The following CCDC88C variants were observed in gnomAD, a reference collection of about 807,000 sequenced individuals.
CCDC88C encodes coiled-coil and HOOK domain protein 88C.
Under a neutral mutation model 198.8 loss-of-function variants are expected in CCDC88C, and 131 were observed. The ratio of observed to expected loss-of-function variants is 0.66; its 90% CI spans 0.57 to 0.76. The LOEUF is 0.76. Ranked by LOEUF, CCDC88C falls within the 30% of genes least tolerant of loss-of-function variation. The pLI is 0.00. For synonymous variants in CCDC88C, 1,166 were observed against 1,114.7 expected (o/e 1.05, Z -0.92); for missense variants, 2,553 against 2,631.6 (o/e 0.97, Z 0.65).
intron 3 of CCDC88C, among the ~76,000 whole-genome samples, chr14:91,367,142 A>G (rs1003666134): frequency 2.0e-5 from 3 of 152,258 alleles, no homozygotes; most frequent in African/African-American, 7.2e-5. Context: ...CCAGGAAGGA[A>G]GAATAAACGC....
intron 3 of CCDC88C, among the ~76,000 whole-genome samples, chr14:91,404,779 C>T (rs1229084570): frequency 1.3e-5 from 2 of 151,818 alleles, no homozygotes; most frequent in Non-Finnish European, 2.9e-5. Flanking sequence ...CTGGCTAACA[C>T]GGTGAAAACC....
chr14:91,416,533 C>T (rs1887063382), intron 2 of CCDC88C, among the ~76,000 whole-genome samples: 1 of 152,078 alleles, frequency 6.6e-6, no homozygotes, highest in African/African-American at 2.4e-5. Flanking sequence ...TTCATCAAAC[C>T]AACTGCCAGA....
At position 91,273,076 on chromosome 14, in the gene CCDC88C, C is replaced by T. The variant is rs754523261; in HGVS notation, c.5636G>A (p.Arg1879Gln). ...GGAGAAGCGCCTCGTGTCCAGCGGC[C>T]GGCTGCGGGGACCTGGGCCCTGACA... ...SSCQGPGPRS[R>Q]PLDTRRFSLA... Residue 1879 changes from arginine to glutamine, a missense_variant, in exon 30 of 30, where the codon CGG (arginine) becomes CAG (glutamine). By Grantham distance (43) the Arg-to-Gln change is conservative. Transcript: ENST00000389857. The surrounding 1 kb of genome is among the most constrained non-coding windows in gnomAD (Gnocchi z 5.6). 17 of 1,559,726 alleles carry T rather than the reference C, an allele frequency of 1.1e-5. No homozygotes were observed. Among genetic ancestry groups the T allele is most frequent in the Middle Eastern group, 1.7e-4 (1 of 5,950 alleles).
chr14:91,411,071 A>C (rs950805762), intron 2 of CCDC88C, among the ~76,000 whole-genome samples: 7 of 152,144 alleles, frequency 4.6e-5, no homozygotes, highest in African/African-American at 1.2e-4. Context: ...CCTGACATTT[A>C]CTGTATGAGT....
chr14:91,380,017 G>A (rs1884691458), intron 3 of CCDC88C: 5 of 645,502 alleles, frequency 7.7e-6, no homozygotes, highest in East Asian at 5.5e-5. Context: ...CCAACTCCAC[G>A]CTGAAGGTCC....
At chr14:91,374,282 C>T (rs1894974053) in intron 3 of CCDC88C, among the ~76,000 whole-genome samples, 1 of 152,210 alleles carries the variant, frequency 6.6e-6, no homozygotes, top group African/African-American at 2.4e-5. Context: ...TCTATTACCT[C>T]TCATCCTAAC....
At position 91,329,881 on chromosome 14, in the gene CCDC88C, C is replaced by A. The variant is rs1018604736; in HGVS notation, c.1051-3825G>T. On this transcript the variant is annotated intron_variant, in intron 10 of 29. Coordinates refer to ENST00000389857, the MANE Select transcript of CCDC88C (RefSeq NM_001080414.4). ...GACTGTGCACCTCATTTGGGCCAGA[C>A]CCTGAGAATGTGAAGGCCCAGTCAG... is the stretch of plus-strand genomic sequence containing the variant. Among the ~76,000 whole-genome samples, 12 of 152,232 alleles carry A rather than the reference C, an allele frequency of 7.9e-5. 1 individual carries two copies.
At position 91,371,761 on chromosome 14, in the gene CCDC88C, C is replaced by T. The variant is rs888860362; in HGVS notation, c.271-12050G>A. On this transcript the variant is annotated intron_variant, in intron 3 of 29. Coordinates refer to ENST00000389857, the MANE Select transcript of CCDC88C (RefSeq NM_001080414.4). The surrounding 1 kb of genome is among the most constrained non-coding windows in gnomAD (Gnocchi z 4.2). ...CATGTCCCACTCCACCGCTCACCCACCCAGGCCCACAGGCACCTATGCCAG... is the reference window on the plus strand; with the variant it reads ...CATGTCCCACTCCACCGCTCACCCATCCAGGCCCACAGGCACCTATGCCAG... 1.4e-4 allele frequency among the ~76,000 whole-genome samples: 22 copies of T among 152,226 alleles called. No homozygotes were observed. The highest frequency in any genetic ancestry group is 1.3e-3 in the Admixed American group (20 of 15,292).
chr14:91,315,386 A>G (rs889641099), intron 14 of CCDC88C, among the ~76,000 whole-genome samples: 1 of 152,134 alleles, frequency 6.6e-6, no homozygotes, highest in Non-Finnish European at 1.5e-5. Flanking sequence ...ACTCCATGCC[A>G]GGAGCACCAC....
intron 4 of CCDC88C, among the ~76,000 whole-genome samples, chr14:91,345,190 A>ATATATTTTTTT (rs1246878587): frequency 3.8e-5 from 2 of 52,202 alleles, no homozygotes; most frequent in Non-Finnish European, 6.8e-5. Flanking sequence ...ATATATATAT[A>ATATATTTTTTT]TTTTTTTTTT....
At chr14:91,377,656 T>G (rs1220625755) in intron 3 of CCDC88C, among the ~76,000 whole-genome samples, 1 of 152,158 alleles carries the variant, frequency 6.6e-6, no homozygotes, top group Non-Finnish European at 1.5e-5. Flanking sequence ...GGTTACAAGA[T>G]GCACCCCTGA....
At chr14:91,317,524 G>T (rs1892152265) in intron 13 of CCDC88C, among the ~76,000 whole-genome samples, 1 of 152,256 alleles carries the variant, frequency 6.6e-6, no homozygotes, top group Non-Finnish European at 1.5e-5. Flanking sequence ...CTACGTGTCA[G>T]ACTCTGGGCT....
chr14:91,331,658 A>G (rs1892831609), intron 10 of CCDC88C, among the ~76,000 whole-genome samples: 1 of 152,196 alleles, frequency 6.6e-6, no homozygotes, highest in Non-Finnish European at 1.5e-5. Flanking sequence ...CCCTCACTGC[A>G]GAGATCTATT....
At chr14:91,342,303 CAT>C in intron 6 of CCDC88C, 75 bp downstream of exon 6, 1 of 826,900 alleles carries the variant, frequency 1.2e-6, no homozygotes, top group South Asian at 1.5e-5. Flanking sequence ...CGTTTCCACT[CAT>C]AGAGAAGTTT....
intron 3 of CCDC88C, 104 bp downstream of exon 3, chr14:91,408,555 C>T: frequency 1.3e-6 from 1 of 752,894 alleles, no homozygotes; most frequent in Non-Finnish European, 2.4e-6. Context: ...AAGTAGAGGC[C>T]TAAACATAAG....
At position 91,289,217 on chromosome 14, in the gene CCDC88C, G is replaced by A. The variant is rs1350749500; in HGVS notation, c.4329C>T (p.Ala1443=). ...TGAGCGGCTGAGAGGCCGCCGGCGA[G>A]GCGGGGTCTGAGGACTCCAGCTGCC... The part of the protein sequence containing the change: ...PPWQLESSDP[A]SPAASQPLRS... Residue 1443 remains alanine (A), a synonymous_variant, in exon 25 of 30, where the codon GCC becomes GCT. Coordinates refer to ENST00000389857, the MANE Select transcript of CCDC88C (RefSeq NM_001080414.4). The A allele has an allele frequency of 1.2e-6, 2 of 1,613,926 alleles. No homozygotes were observed. Among genetic ancestry groups the A allele is most frequent in the Admixed American group, 3.3e-5 (2 of 60,018 alleles).
chr14:91,334,260 G>A (rs1157533353), intron 10 of CCDC88C, among the ~76,000 whole-genome samples: 1 of 152,130 alleles, frequency 6.6e-6, no homozygotes, highest in African/African-American at 2.4e-5. Flanking sequence ...ATTTCTTTTT[G>A]AGAGAGGGTC....
intron 3 of CCDC88C, among the ~76,000 whole-genome samples, chr14:91,382,563 G>T (rs2065970882): frequency 6.6e-6 from 1 of 152,184 alleles, no homozygotes; most frequent in African/African-American, 2.4e-5. Context: ...GGGTCCTACA[G>T]ACACCATCTA....
intron 3 of CCDC88C, among the ~76,000 whole-genome samples, chr14:91,407,712 T>C (rs1042878347): frequency 4.6e-5 from 7 of 152,194 alleles, no homozygotes; most frequent in African/African-American, 7.2e-5. Context: ...TCCATCCGTA[T>C]TGGCCACACA....
Sources: allele counts gnomAD v4.1 joint callset (sites outside exome capture counted in the v4.1 genomes callset), GRCh38; gene constraint gnomAD v4.1.1; non-coding constraint Gnocchi (gnomAD v3.1); transcripts MANE v1.5; gene names NCBI Gene and HGNC (gene_info 2026-07-23, HGNC 2026-07-21).